The following BABAM2 variants were observed in gnomAD, a reference collection of about 807,000 sequenced individuals.
BABAM2 encodes BRISC and BRCA1 A complex member 2.
In BABAM2, 31 loss-of-function variants were observed where a neutral mutation model predicts 54.7. That is an observed-to-expected ratio of 0.57 (90% CI 0.43 to 0.77). BABAM2 has a LOEUF of 0.77. Ranked by LOEUF, BABAM2 falls within the 30% of genes least tolerant of loss-of-function variation. BABAM2 has a pLI of 0.00. For missense variants in BABAM2, 364 were observed against 455.8 expected (o/e 0.80, Z 1.83); for synonymous variants, 167 against 162.9 (o/e 1.03, Z -0.19).
At chr2:28,214,647 A>G (rs1207516519) in intron 7 of BABAM2, among the ~76,000 whole-genome samples, 1 of 152,172 alleles carries the variant, frequency 6.6e-6, no homozygotes, top group Non-Finnish European at 1.5e-5. Flanking sequence ...ACAGCAGACA[A>G]TTCTTGCCTT....
At chr2:28,310,376 C>A (rs1303694659) in intron 11 of BABAM2, 1 of 497,128 alleles carries the variant, frequency 2.0e-6, no homozygotes, top group East Asian at 3.2e-5. Context: ...GCAGGTAAAT[C>A]CCTTCTGCAG....
intron 3 of BABAM2, among the ~76,000 whole-genome samples, chr2:27,974,406 A>T (rs893222838): frequency 2.0e-5 from 3 of 152,198 alleles, no homozygotes; most frequent in African/African-American, 7.2e-5. Flanking sequence ...ATAATATATC[A>T]TAATCAAGCA....
chr2:27,960,040 T>C (rs1284457451), intron 3 of BABAM2, among the ~76,000 whole-genome samples: 1 of 152,180 alleles, frequency 6.6e-6, no homozygotes, highest in Admixed American at 6.5e-5. Flanking sequence ...TAGATTTTTT[T>C]CCCCACTTCA....
intron 7 of BABAM2, among the ~76,000 whole-genome samples, chr2:28,134,185 A>C (rs1364020904): frequency 1.4e-5 from 2 of 144,078 alleles, no homozygotes; most frequent in Non-Finnish European, 3.0e-5. Flanking sequence ...AAAAAAAAAA[A>C]AGTCAATGGT....
chr2:28,005,670 T>G (rs1673904092), intron 4 of BABAM2, among the ~76,000 whole-genome samples: 1 of 152,104 alleles, frequency 6.6e-6, no homozygotes, highest in Non-Finnish European at 1.5e-5. Context: ...CAATTATAAT[T>G]CTTAGGTATA....
chr2:27,914,327 A>G (rs137898840), intron 2 of BABAM2, among the ~76,000 whole-genome samples: 72 of 152,278 alleles, frequency 4.7e-4, no homozygotes, highest in African/African-American at 1.7e-3. Flanking sequence ...TTGTCACAAT[A>G]TAGAACAAGC....
intron 3 of BABAM2, among the ~76,000 whole-genome samples, chr2:27,955,393 A>C (rs1311539239): frequency 2.6e-5 from 4 of 152,176 alleles, no homozygotes; most frequent in Non-Finnish European, 4.4e-5. Context: ...CACTATTGTT[A>C]CTCATTGCTG....
chr2:27,956,263 C>T (rs1670079539), intron 3 of BABAM2, among the ~76,000 whole-genome samples: 1 of 152,016 alleles, frequency 6.6e-6, no homozygotes, highest in South Asian at 2.1e-4. Context: ...AGTTGTGCTG[C>T]TTTATAGAAA....
At chr2:27,929,692 G>A in intron 2 of BABAM2, 140 bp from the exon 3 acceptor site, 1 of 676,310 alleles carries the variant, frequency 1.5e-6, no homozygotes, top group Non-Finnish European at 2.4e-6. Context: ...ACTATTAAAG[G>A]CTTTTATTTT....
At chr2:28,047,459 T>A (rs76511894) in intron 6 of BABAM2, among the ~76,000 whole-genome samples, 10,397 of 152,270 alleles carry the variant, frequency 0.068, 543 homozygotes, top group African/African-American at 0.14. Flanking sequence ...TGTTTTAATT[T>A]ACTGTGCCTT....
intron 2 of BABAM2, among the ~76,000 whole-genome samples, chr2:27,901,109 A>C (rs1194270568): frequency 6.6e-6 from 1 of 151,774 alleles, no homozygotes; most frequent in Admixed American, 6.6e-5. Flanking sequence ...TTACTCTTGC[A>C]GGTAAAATAC....
intron 7 of BABAM2, among the ~76,000 whole-genome samples, chr2:28,217,331 A>C (rs888717337): frequency 2.6e-5 from 4 of 152,220 alleles, no homozygotes; most frequent in Admixed American, 2.6e-4. Flanking sequence ...GGCAGAAATA[A>C]TGCTCAGAGG....
chr2:28,104,751 G>A (rs1169317952), intron 6 of BABAM2, among the ~76,000 whole-genome samples: 1 of 152,126 alleles, frequency 6.6e-6, no homozygotes, highest in African/African-American at 2.4e-5. Context: ...TATGTTTATT[G>A]TGGCACTATT....
intron 7 of BABAM2, among the ~76,000 whole-genome samples, chr2:28,219,636 C>T (rs1680216111): frequency 6.6e-6 from 1 of 151,052 alleles, no homozygotes; most frequent in South Asian, 2.1e-4. Flanking sequence ...GTGCTAGGAG[C>T]TTACTTCTTT....
intron 10 of BABAM2, among the ~76,000 whole-genome samples, chr2:28,259,344 C>G (rs1684292841): frequency 6.6e-6 from 1 of 152,024 alleles, no homozygotes; most frequent in Non-Finnish European, 1.5e-5. Flanking sequence ...CCTCGGCCTC[C>G]CAAAGTGCTG....
chr2:27,971,913 A>C (rs1671250786), intron 3 of BABAM2, among the ~76,000 whole-genome samples: 1 of 152,210 alleles, frequency 6.6e-6, no homozygotes, highest in Non-Finnish European at 1.5e-5. Flanking sequence ...TTAGAAGATC[A>C]CTAAGACTAA....
At chr2:28,029,045 A>C (rs1347856341) in intron 5 of BABAM2, among the ~76,000 whole-genome samples, 1 of 152,084 alleles carries the variant, frequency 6.6e-6, no homozygotes, top group Non-Finnish European at 1.5e-5. Flanking sequence ...GGGATTATAG[A>C]TGTGAGCCAC....
At chr2:27,982,032 T>A (rs1358617704) in intron 3 of BABAM2, among the ~76,000 whole-genome samples, 3 of 152,172 alleles carry the variant, frequency 2.0e-5, no homozygotes, top group African/African-American at 7.2e-5. Context: ...ATTATATGTC[T>A]TTTTGATTAT....
At chr2:28,026,845 T>TATATATTTATATATATATAGAG in intron 5 of BABAM2, among the ~76,000 whole-genome samples, 1 of 42,106 alleles carries the variant, frequency 2.4e-5, no homozygotes, top group African/African-American at 8.9e-5. Flanking sequence ...TATATATAAA[T>TATATATTTATATATATATAGAG]ATATATTTAT....
Sources: allele counts gnomAD v4.1 joint callset (sites outside exome capture counted in the v4.1 genomes callset), GRCh38; gene constraint gnomAD v4.1.1; transcripts MANE v1.5; gene names NCBI Gene and HGNC (gene_info 2026-07-23, HGNC 2026-07-21).